The following PLA2G2E variants were observed in gnomAD, a reference collection of about 807,000 sequenced individuals.
The protein encoded by PLA2G2E is phospholipase A2 group IIE.
PLA2G2E carries 14 observed loss-of-function variants against 16.5 expected under a neutral mutation model. That is an observed-to-expected ratio of 0.85 (90% CI 0.56 to 1.33). The LOEUF (loss-of-function observed/expected upper bound fraction) is 1.33. PLA2G2E is among the 40% of genes most tolerant of loss of function. The probability of loss-of-function intolerance (pLI) is 0.00; values close to 1 mark genes in which losing one functional copy is unlikely to be tolerated. For missense variants in PLA2G2E, 174 were observed against 190.7 expected (o/e 0.91, Z 0.52); for synonymous variants, 72 against 77.2 (o/e 0.93, Z 0.36).
intron 3 of PLA2G2E, among the ~76,000 whole-genome samples, chr1:19,921,444 T>C (rs2045814369): frequency 6.6e-6 from 1 of 152,196 alleles, no homozygotes; most frequent in South Asian, 2.1e-4. Flanking sequence ...AATCCAGAGC[T>C]TGTGTCTCCA....
At chr1:19,921,125 G>A (rs16823128) in intron 3 of PLA2G2E, among the ~76,000 whole-genome samples, 1 of 152,178 alleles carries the variant, frequency 6.6e-6, no homozygotes, top group South Asian at 2.1e-4. Context: ...CAGTGGCCCT[G>A]GCTCCCTTTT....
intron 3 of PLA2G2E, among the ~76,000 whole-genome samples, chr1:19,922,016 C>T (rs1307707350): frequency 6.6e-6 from 1 of 152,212 alleles, no homozygotes; most frequent in Admixed American, 6.5e-5. Context: ...AGCTCAGACC[C>T]CTCTGCTCCT....
At chr1:19,922,472 G>A (rs973551247) in intron 2 of PLA2G2E, 68 bp from the exon 3 acceptor site, 2 of 1,555,528 alleles carry the variant, frequency 1.3e-6, no homozygotes, top group African/African-American at 1.4e-5. Context: ...GGCTGCTCGG[G>A]GCCCCCGAGC....
chr1:19,920,259 C>T lies in PLA2G2E; in HGVS notation c.*48G>A, dbSNP rs1230190260. ...ATGTTCCCCAGGCCTGGGACTACAGCAGCCCGAGGCGGGACCTCCAGGGAC... is the reference window on the plus strand; with the variant it reads ...ATGTTCCCCAGGCCTGGGACTACAGTAGCCCGAGGCGGGACCTCCAGGGAC... On this transcript the variant is annotated 3_prime_UTR_variant, in exon 4 of 4. Transcript: ENST00000375116. The surrounding 1 kb of genome is among the most constrained non-coding windows in gnomAD (Gnocchi z 4.3). 5.8e-6 allele frequency: 9 copies of T among 1,558,630 alleles called. No individual in the cohort carries two copies. The highest frequency in any genetic ancestry group is 4.4e-6 in the Non-Finnish European group (5 of 1,142,412).
rs1049355806 is a variant in PLA2G2E at position 19,920,233 on chromosome 1, A to G, written c.*74T>C. On this transcript the variant is annotated 3_prime_UTR_variant, in exon 4 of 4. Transcript: ENST00000375116. This position sits in a 1 kb window ranked among gnomAD's most constrained non-coding sequence, Gnocchi z 4.3. ...TTCCAAAGGGAGGGCCTTTGGTGCC[A>G]ATGTTCCCCAGGCCTGGGACTACAG... 2 of 1,336,904 alleles carry G rather than the reference A, an allele frequency of 1.5e-6. No individual in the cohort carries two copies. The highest frequency in any genetic ancestry group is 2.1e-6 in the Non-Finnish European group (2 of 962,822). The allele number at this position is 1,336,904 out of a possible 1,614,324, so 82.8% of individuals were successfully genotyped here.
intron 1 of PLA2G2E, 34 bp from the exon 2 acceptor site, chr1:19,922,789 G>GCCC (rs1553164475): frequency 6.2e-7 from 1 of 1,610,724 alleles, no homozygotes; most frequent in African/African-American, 1.3e-5. Flanking sequence ...GAGAGGGAGG[G>GCCC]CCCCACCCTC....
At chr1:19,922,801 G>A in intron 1 of PLA2G2E, 46 bp from the exon 2 acceptor site, 1 of 1,603,942 alleles carries the variant, frequency 6.2e-7, no homozygotes, top group South Asian at 1.1e-5. Context: ...CCCACCCTCT[G>A]CAGCCAACTT....
At chr1:19,922,478 C>G (rs1044608406) in intron 2 of PLA2G2E, 74 bp from the exon 3 acceptor site, 1 of 1,547,370 alleles carries the variant, frequency 6.5e-7, no homozygotes, top group Non-Finnish European at 8.8e-7. Context: ...TCGGGGCCCC[C>G]GAGCCCAAAG....
Position 19,922,616 on chromosome 1 carries a change from CCAGT to C in PLA2G2E, c.176_179del (p.Asp59GlyfsTer45), listed in dbSNP as rs2045824972. 6.2e-7 allele frequency: 1 copy of C among 1,613,916 alleles called. No homozygotes were observed. The highest frequency in any genetic ancestry group is 8.5e-7 in the Non-Finnish European group (1 of 1,179,932). On this transcript the variant is annotated frameshift_variant and splice_region_variant, in exon 2 of 4. Coordinates refer to ENST00000375116, the MANE Select transcript of PLA2G2E (RefSeq NM_014589.3). LOFTEE classifies it high-confidence loss of function. ...GGTCCCCCTGCAGGCTGCTTCCTCA[CCAGT>C]CAGTCTGGTCCACCGGCCAGTGGGA...
chr1:19,923,617 G>T lies in PLA2G2E; in HGVS notation c.-58C>A. The T allele has an allele frequency of 6.9e-7, 1 of 1,459,530 alleles. No homozygotes were observed. Among genetic ancestry groups the T allele is most frequent in the Admixed American group, 2.0e-5 (1 of 49,038 alleles). The allele number at this position is 1,459,530 out of a possible 1,614,324, so 90.4% of individuals were successfully genotyped here. A position where few individuals can be genotyped will look rare whatever the true frequency, so the allele number is the denominator to read the frequency against. On this transcript the variant is annotated 5_prime_UTR_variant, in exon 1 of 4. The change creates a new upstream start codon in the 5' untranslated region. Coordinates refer to ENST00000375116, the MANE Select transcript of PLA2G2E (RefSeq NM_014589.3). ...GCATAAAAGGCAGCAGAAGAAAGCA[G>T]CAGGGCCACCTCTGATCTCAGGGAG...
chr1:19,922,056 T>C (rs1571198780), intron 3 of PLA2G2E, among the ~76,000 whole-genome samples: 2 of 152,192 alleles, frequency 1.3e-5, no homozygotes, highest in South Asian at 4.1e-4. Context: ...GGGAGGTGTC[T>C]GTGGGTAGGG....
chr1:19,920,446 C>T lies in PLA2G2E; in HGVS notation c.290G>A (p.Gly97Asp). ...SVSERGIFCA[G>D]RTTCQRLTCE... Reference sequence around the variant, plus strand: ...GGTCAGCCGCTGGCAGGTGGTCCTGCCGGCTGGATGGGACAAAGTGAGTCA... The same window carrying T: ...GGTCAGCCGCTGGCAGGTGGTCCTGTCGGCTGGATGGGACAAAGTGAGTCA... The change falls in exon 4 of 4, where the codon GGC (glycine) becomes GAC (aspartate). Residue 97 changes from glycine (G) to aspartate (D), a missense_variant. Physicochemically the swap from Gly to Asp is moderately conservative, Grantham distance 94 (BLOSUM62 -1). Transcript: ENST00000375116. This position sits in a 1 kb window ranked among gnomAD's most constrained non-coding sequence, Gnocchi z 4.3. The T allele has an allele frequency of 1.9e-6, 3 of 1,613,326 alleles. No individual in the cohort carries two copies. Among genetic ancestry groups the T allele is most frequent in the Non-Finnish European group, 2.5e-6 (3 of 1,179,688 alleles).
rs1329343315 is a variant in PLA2G2E, at chr1:19,920,907, A to G, written c.287-458T>C. Among the ~76,000 whole-genome samples the G allele has an allele frequency of 6.6e-6, 1 of 152,196 alleles. No individual in the cohort carries two copies. The highest frequency in any genetic ancestry group is 1.5e-5 in the Non-Finnish European group (1 of 68,032). On this transcript the variant is annotated intron_variant, in intron 3 of 3. Transcript: ENST00000375116. The surrounding 1 kb of genome is among the most constrained non-coding windows in gnomAD (Gnocchi z 4.3). ...CCAGAGTGGCGTGGGCCTAGGCTGGAAGCCACTGGGACCAAAGCTGGAGGC... is the reference window on the plus strand; with the variant it reads ...CCAGAGTGGCGTGGGCCTAGGCTGGGAGCCACTGGGACCAAAGCTGGAGGC...
chr1:19,920,473 G>T lies in PLA2G2E; in HGVS notation c.287-24C>A. The T allele has an allele frequency of 6.2e-7, 1 of 1,610,922 alleles. No homozygotes were observed. Among genetic ancestry groups the T allele is most frequent in the Admixed American group, 1.7e-5 (1 of 59,970 alleles). The stretch of plus-strand genomic sequence containing the variant: ...GGCTGGATGGGACAAAGTGAGTCAG[G>T]GACCACAGAAGCTCAGGATATGTGT... On this transcript the variant is annotated intron_variant, in intron 3 of 3. Coordinates refer to ENST00000375116, the MANE Select transcript of PLA2G2E (RefSeq NM_014589.3). This position sits in a 1 kb window ranked among gnomAD's most constrained non-coding sequence, Gnocchi z 4.3.
In PLA2G2E at chr1:19,923,609, A is replaced by G. The variant is rs1285448588; in HGVS notation, c.-50T>C. The G allele has an allele frequency of 4.0e-6, 6 of 1,500,622 alleles. No homozygotes were observed. Among genetic ancestry groups the G allele is most frequent in the South Asian group, 3.7e-5 (3 of 80,048 alleles). 93.0% of individuals were successfully genotyped at this position (1,500,622 alleles called of 1,614,324 possible). A position where few individuals can be genotyped will look rare whatever the true frequency, so the allele number is the denominator to read the frequency against. ...CACAAGGAGCATAAAAGGCAGCAGA[A>G]GAAAGCAGCAGGGCCACCTCTGATC... On this transcript the variant is annotated 5_prime_UTR_variant, in exon 1 of 4. Transcript: ENST00000375116.
intron 2 of PLA2G2E, 38 bp downstream of exon 2, chr1:19,922,579 C>T: frequency 6.2e-7 from 1 of 1,610,990 alleles, no homozygotes; most frequent in South Asian, 1.1e-5. Flanking sequence ...CCAGCTCCTC[C>T]ATCCCCATGG....
At position 19,922,640 on chromosome 1, in the gene PLA2G2E, G is replaced by C; in HGVS notation, c.156C>G (p.His52Gln). 1 of 1,614,086 alleles carries C rather than the reference G, an allele frequency of 6.2e-7. No individual in the cohort carries two copies. Among genetic ancestry groups the C allele is most frequent in the Non-Finnish European group, 8.5e-7 (1 of 1,180,000 alleles). ...ACCAGTCAGTCTGGTCCACCGGCCAGTGGGAGCCACCGATGCCGCAGTAAC... is the reference window on the plus strand; with the variant it reads ...ACCAGTCAGTCTGGTCCACCGGCCACTGGGAGCCACCGATGCCGCAGTAAC... ...YGCYCGIGGS[H>Q]WPVDQTDWCC... Residue 52 changes from histidine (H) to glutamine (Q), a missense_variant, in exon 2 of 4, where the codon CAC becomes CAG. Physicochemically the swap from His to Gln is conservative, Grantham distance 24. Coordinates refer to ENST00000375116, the MANE Select transcript of PLA2G2E (RefSeq NM_014589.3).
rs559232898 is a variant in PLA2G2E at position 19,922,313 on chromosome 1, G to T, written c.271C>A (p.Arg91Ser). 3 of 1,613,628 alleles carry T rather than the reference G, an allele frequency of 1.9e-6. No individual in the cohort carries two copies. Among genetic ancestry groups the T allele is most frequent in the African/African-American group, 1.3e-5 (1 of 75,042 alleles). ...LEKYLFSVSE[R>S]GIFCAGRTTC... is the part of the protein sequence containing the mutation. ...CTCCACCTACCGCAGAAAATGCCAC[G>T]TTCGCTGACAGAGAAAAGATACTTT... is the stretch of plus-strand genomic sequence containing the variant. The change falls in exon 3 of 4, where the codon CGT becomes AGT. Residue 91 changes from arginine to serine, a missense_variant. Physicochemically the swap from Arg to Ser is moderately radical, Grantham distance 110. Transcript: ENST00000375116.
chr1:19,922,018 T>G (rs549376634), intron 3 of PLA2G2E, among the ~76,000 whole-genome samples: 82 of 152,318 alleles, frequency 5.4e-4, no homozygotes, highest in African/African-American at 1.9e-3. Flanking sequence ...CTCAGACCCC[T>G]CTGCTCCTCT....
Sources: allele counts gnomAD v4.1 joint callset (sites outside exome capture counted in the v4.1 genomes callset), GRCh38; gene constraint gnomAD v4.1.1; non-coding constraint Gnocchi (gnomAD v3.1); transcripts MANE v1.5; gene names NCBI Gene and HGNC (gene_info 2026-07-23, HGNC 2026-07-21).